CELF2: variants seen among roughly 807,000 people sequenced by gnomAD.
The protein encoded by CELF2 is CUGBP Elav-like family member 2, also known as CUG triplet repeat RNA-binding protein 2.
A neutral mutation model predicts 62.6 loss-of-function variants in CELF2; 8 were observed. That is an observed-to-expected ratio of 0.13 (90% confidence interval 0.07 to 0.23). CELF2 has a LOEUF of 0.23. Among genes scored for constraint, CELF2 ranks in the 10% least tolerant of loss-of-function variants. The pLI is 1.00. For synonymous variants in CELF2, 258 were observed against 250.0 expected (o/e 1.03, Z -0.30); for missense variants, 333 against 671.0 (o/e 0.50, Z 5.56).
chr10:10,819,348 AC>A (rs1358169608), intron 1 of CELF2, among the ~76,000 whole-genome samples: 1 of 152,164 alleles, frequency 6.6e-6, no homozygotes, highest in Non-Finnish European at 1.5e-5. Flanking sequence ...CTCTGGGATA[AC>A]CCTATTTGAA....
chr10:10,839,104 C>A (rs2058504963), intron 1 of CELF2, among the ~76,000 whole-genome samples: 1 of 152,150 alleles, frequency 6.6e-6, no homozygotes, highest in African/African-American at 2.4e-5. Context: ...CAACATCACT[C>A]CACTGCACTC....
the CELF2 span, among the ~76,000 whole-genome samples, chr10:10,685,088 T>G: frequency 2.6e-5 from 4 of 152,078 alleles, no homozygotes; most frequent in Admixed American, 2.0e-4. Flanking sequence ...GCAAGTTAAG[T>G]GCAGTGGTAA....
At chr10:10,517,106 C>T in the CELF2 span, among the ~76,000 whole-genome samples, 3 of 152,162 alleles carry the variant, frequency 2.0e-5, no homozygotes, top group African/African-American at 7.2e-5. Context: ...AACATAATAT[C>T]TAATATTTAT....
Position 11,165,702 on chromosome 10 carries a change from G to C in CELF2, c.271+20G>C. On this transcript the variant is annotated intron_variant, in intron 2 of 12. Coordinates refer to ENST00000633077, the MANE Select transcript of CELF2 (RefSeq NM_001326342.2). This position sits in a 1 kb window ranked among gnomAD's most constrained non-coding sequence, Gnocchi z 7.4. ...GTAAAGGTACAGAGCGCGGGGCGGGGGTCGCCAGGCGTCCAGGTGGGCGTC... is the reference window on the plus strand; with the variant it reads ...GTAAAGGTACAGAGCGCGGGGCGGGCGTCGCCAGGCGTCCAGGTGGGCGTC... 1 of 1,597,140 alleles carries C rather than the reference G, an allele frequency of 6.3e-7. No homozygotes were observed. The highest frequency in any genetic ancestry group is 1.1e-5 in the South Asian group (1 of 89,936).
chr10:11,017,541 C>T (rs2057420702), upstream of CELF2, among the ~76,000 whole-genome samples: 1 of 152,224 alleles, frequency 6.6e-6, no homozygotes, highest in Admixed American at 6.5e-5. This position sits in a 1 kb window ranked among gnomAD's most constrained non-coding sequence, Gnocchi z 5.5. Context: ...TCGAAGCGAA[C>T]CCTCGGGCTG....
At chr10:11,226,678 C>G (rs1333817276) in intron 3 of CELF2, among the ~76,000 whole-genome samples, 2 of 151,984 alleles carry the variant, frequency 1.3e-5, no homozygotes, top group Admixed American at 1.3e-4. Flanking sequence ...CATCGGGGCA[C>G]CTGGCAGCGG....
chr10:10,759,968 C>T, the CELF2 span, among the ~76,000 whole-genome samples: 8 of 152,014 alleles, frequency 5.3e-5, no homozygotes, highest in South Asian at 2.1e-4. Context: ...TGCAGTGATG[C>T]GATCTTGGCT....
the CELF2 span, among the ~76,000 whole-genome samples, chr10:10,709,512 C>T: frequency 6.6e-6 from 1 of 152,064 alleles, no homozygotes; most frequent in African/African-American, 2.4e-5. Context: ...TACTTCTTTT[C>T]TATGAAAGAT....
intron 1 of CELF2, among the ~76,000 whole-genome samples, chr10:10,909,009 G>A (rs375365682): frequency 3.3e-5 from 5 of 152,004 alleles, no homozygotes; most frequent in African/African-American, 9.7e-5. Flanking sequence ...GGCTGGTCTC[G>A]AACTCCTGAC....
At chr10:11,072,732 T>G (rs1244353219) in intron 1 of CELF2, among the ~76,000 whole-genome samples, 1 of 152,282 alleles carries the variant, frequency 6.6e-6, no homozygotes, top group East Asian at 1.9e-4. Flanking sequence ...ACCCTTAAGT[T>G]TACTAACACC....
chr10:10,701,585 G>T, the CELF2 span, among the ~76,000 whole-genome samples: 23 of 152,320 alleles, frequency 1.5e-4, no homozygotes, highest in African/African-American at 5.1e-4. Flanking sequence ...GCATGGAAAG[G>T]CTCATGAACA....
chr10:10,485,813 A>C, the CELF2 span, among the ~76,000 whole-genome samples: 1 of 152,214 alleles, frequency 6.6e-6, no homozygotes, highest in Non-Finnish European at 1.5e-5. Flanking sequence ...TGCAAAACAG[A>C]GCCCTACAAC....
chr10:10,555,443 G>C, the CELF2 span, among the ~76,000 whole-genome samples: 3 of 152,136 alleles, frequency 2.0e-5, no homozygotes, highest in African/African-American at 7.2e-5. Flanking sequence ...AAACGTGCCT[G>C]ATGTACTAGG....
the CELF2 span, among the ~76,000 whole-genome samples, chr10:10,573,061 G>C: frequency 6.6e-6 from 1 of 152,050 alleles, no homozygotes; most frequent in Non-Finnish European, 1.5e-5. Flanking sequence ...ATTCTGACTG[G>C]TGTAGCTCAT....
chr10:11,097,873 T>C (rs1328580020), intron 1 of CELF2, among the ~76,000 whole-genome samples: 1 of 152,240 alleles, frequency 6.6e-6, no homozygotes, highest in East Asian at 1.9e-4. Flanking sequence ...GGGCTGGAGC[T>C]GGATCTCTCC....
the CELF2 span, among the ~76,000 whole-genome samples, chr10:10,676,463 G>A: frequency 2.6e-5 from 4 of 152,154 alleles, no homozygotes; most frequent in Admixed American, 6.6e-5. Flanking sequence ...TTCAAAAATG[G>A]TTCCTTGGCC....
chr10:10,913,054 A>G (rs1340610745), intron 1 of CELF2, among the ~76,000 whole-genome samples: 4 of 152,226 alleles, frequency 2.6e-5, no homozygotes, highest in African/African-American at 9.6e-5. Context: ...GTGTGTGTGC[A>G]ATTGTAGATT....
chr10:10,968,571 G>C (rs1388982011), intron 2 of CELF2, among the ~76,000 whole-genome samples: 2 of 152,098 alleles, frequency 1.3e-5, no homozygotes, highest in Non-Finnish European at 2.9e-5. Flanking sequence ...GTTTCTTTTA[G>C]ATGACTTTTG....
chr10:10,688,427 G>A, the CELF2 span, among the ~76,000 whole-genome samples: 1 of 152,162 alleles, frequency 6.6e-6, no homozygotes, highest in Non-Finnish European at 1.5e-5. Context: ...TTCCAGTGCT[G>A]CCCAGACCCG....
Sources: gnomAD v4.1 joint callset for allele counts (sites outside exome capture counted in the v4.1 genomes callset) on GRCh38, gnomAD v4.1.1 for gene constraint, Gnocchi (gnomAD v3.1) non-coding constraint, MANE v1.5 for transcripts, NCBI Gene and HGNC (gene_info 2026-07-23, HGNC 2026-07-21) for gene names.